Variants in IGF2BP2 observed in about 807,000 individuals in gnomAD.
IGF2BP2 encodes the protein insulin-like growth factor 2 mRNA-binding protein 2.
Under a neutral mutation model 75.8 loss-of-function variants are expected in IGF2BP2, and 17 were observed. That is an observed-to-expected ratio of 0.22 (90% CI 0.15 to 0.34). The LOEUF is 0.34. Ranked by LOEUF, IGF2BP2 falls within the 10% of genes least tolerant of loss-of-function variation. IGF2BP2 has a pLI of 1.00. For synonymous variants in IGF2BP2, 288 were observed against 295.6 expected (o/e 0.97, Z 0.26); for missense variants, 516 against 772.4 (o/e 0.67, Z 3.93).
At chr3:185,808,708 T>C (rs1739384105) in intron 2 of IGF2BP2, among the ~76,000 whole-genome samples, 1 of 146,364 alleles carries the variant, frequency 6.8e-6, no homozygotes, top group Admixed American at 6.7e-5. Context: ...CACAGGTGCA[T>C]GCCACCACAC....
At position 185,690,336 on chromosome 3, in the gene IGF2BP2, T is replaced by A. The variant is rs144587736; in HGVS notation, c.405-709A>T. ...AAATAAAATCCTAATCCACTATCTT[T>A]ACTGTCTTTCTTAAATATAAACATA... On this transcript the variant is annotated intron_variant, in intron 5 of 15. Coordinates refer to ENST00000382199, the MANE Select transcript of IGF2BP2 (RefSeq NM_006548.6). 2.6e-3 allele frequency among the ~76,000 whole-genome samples: 399 copies of A among 152,346 alleles called. 1 individual carries two copies. Among genetic ancestry groups the A allele is most frequent in the African/African-American group, 9.1e-3 (378 of 41,580 alleles).
At chr3:185,678,013 G>A (rs1719814831) in intron 7 of IGF2BP2, among the ~76,000 whole-genome samples, 1 of 152,110 alleles carries the variant, frequency 6.6e-6, no homozygotes, top group South Asian at 2.1e-4. Context: ...AAAGAGAAGA[G>A]GGAACAAAGG....
At chr3:185,650,090 T>A (rs1714330459) in intron 13 of IGF2BP2, among the ~76,000 whole-genome samples, 1 of 136,532 alleles carries the variant, frequency 7.3e-6, no homozygotes, top group African/African-American at 3.1e-5. Context: ...TTTTCATTCT[T>A]TTTTTTTTTT....
At chr3:185,654,725 G>A (rs1715152905) in intron 12 of IGF2BP2, among the ~76,000 whole-genome samples, 1 of 152,228 alleles carries the variant, frequency 6.6e-6, no homozygotes, top group Admixed American at 6.5e-5. Flanking sequence ...GGGACCCAGA[G>A]ATAACTGCCA....
intron 2 of IGF2BP2, among the ~76,000 whole-genome samples, chr3:185,814,961 A>T (rs1297454279): frequency 6.6e-6 from 1 of 152,190 alleles, no homozygotes; most frequent in African/African-American, 2.4e-5. Flanking sequence ...ATATTTTTAA[A>T]AATACATATA....
At chr3:185,662,730 A>G (rs2149132536) in intron 10 of IGF2BP2, among the ~76,000 whole-genome samples, 1 of 151,900 alleles carries the variant, frequency 6.6e-6, no homozygotes, top group South Asian at 2.1e-4. Flanking sequence ...TTTAGTAGAG[A>G]TGGGGTTTCA....
chr3:185,823,115 G>T, intron 2 of IGF2BP2, 38 bp downstream of exon 2: 4 of 1,414,212 alleles, frequency 2.8e-6, no homozygotes, highest in African/African-American at 1.5e-5. Flanking sequence ...TATACGTAAG[G>T]CCAATCGCAA....
chr3:185,652,290 C>G, intron 12 of IGF2BP2, 122 bp from the exon 13 acceptor site: 1 of 730,204 alleles, frequency 1.4e-6, no homozygotes, highest in Admixed American at 2.7e-5. Context: ...GCCGTTACCC[C>G]TGGTTCTGTC....
intron 12 of IGF2BP2, among the ~76,000 whole-genome samples, chr3:185,654,312 A>G (rs1715078964): frequency 6.6e-6 from 1 of 152,180 alleles, no homozygotes; most frequent in Non-Finnish European, 1.5e-5. Context: ...GATCACACAG[A>G]GCCTGGCCAT....
At chr3:185,696,112 C>A (rs1722542573) in intron 4 of IGF2BP2, among the ~76,000 whole-genome samples, 1 of 151,986 alleles carries the variant, frequency 6.6e-6, no homozygotes, top group Admixed American at 6.6e-5. Flanking sequence ...AATATAGATT[C>A]ACGAGCTCTT....
At chr3:185,806,193 A>T (rs2149979250) in intron 2 of IGF2BP2, among the ~76,000 whole-genome samples, 1 of 152,360 alleles carries the variant, frequency 6.6e-6, no homozygotes, top group East Asian at 1.9e-4. Context: ...AAAAAAGTTT[A>T]ACTATTATCA....
chr3:185,799,751 C>CAA (rs553267954), intron 2 of IGF2BP2, among the ~76,000 whole-genome samples: 4,402 of 109,922 alleles, frequency 0.04, 101 homozygotes, highest in South Asian at 0.067. Context: ...GACTCCGTCT[C>CAA]AAAAAAAAAA....
chr3:185,770,259 G>A (rs1217219611), intron 2 of IGF2BP2, among the ~76,000 whole-genome samples: 1 of 152,160 alleles, frequency 6.6e-6, no homozygotes, highest in African/African-American at 2.4e-5. Context: ...ACACCACATA[G>A]TTAGGACTCA....
intron 2 of IGF2BP2, among the ~76,000 whole-genome samples, chr3:185,800,167 T>C (rs928725889): frequency 6.6e-6 from 1 of 152,060 alleles, no homozygotes; most frequent in Non-Finnish European, 1.5e-5. Context: ...CTCAGTAAAC[T>C]ATCACTAGGA....
chr3:185,821,119 T>A, intron 2 of IGF2BP2: 4 of 1,519,326 alleles, frequency 2.6e-6, no homozygotes, highest in Non-Finnish European at 3.5e-6. Context: ...ATTAGCTATC[T>A]CTCCCTTAGC....
In IGF2BP2 at chr3:185,665,636, AAAGAAAC is replaced by A. The variant is rs1477979155; in HGVS notation, c.1200+6898_1200+6904del. 2.0e-5 allele frequency among the ~76,000 whole-genome samples: 3 copies of A among 152,148 alleles called. No individual in the cohort carries two copies. The East Asian group carries it at 5.8e-4, about 29-fold the overall frequency. On this transcript the variant is annotated intron_variant, in intron 10 of 15. Coordinates refer to ENST00000382199, the MANE Select transcript of IGF2BP2 (RefSeq NM_006548.6). The stretch of plus-strand genomic sequence containing the variant: ...GAGGAGGAGGAGGAGGATATCTACA[AAAGAAAC>A]AATTCTAGAAGTAACATTTTTAGAG...
intron 2 of IGF2BP2, among the ~76,000 whole-genome samples, chr3:185,733,867 GTC>G (rs1164172955): frequency 2.0e-5 from 3 of 152,264 alleles, no homozygotes; most frequent in South Asian, 4.1e-4. Flanking sequence ...AGTTTAGCAA[GTC>G]TCTCTATGAA....
intron 12 of IGF2BP2, 96 bp downstream of exon 12, chr3:185,657,190 G>C: frequency 3.9e-6 from 3 of 766,590 alleles, no homozygotes; most frequent in Non-Finnish European, 6.8e-6. Context: ...CTCTGTCTCT[G>C]CATGGTGTGG....
At chr3:185,789,363 G>A (rs1736319783) in intron 2 of IGF2BP2, among the ~76,000 whole-genome samples, 1 of 152,136 alleles carries the variant, frequency 6.6e-6, no homozygotes, top group African/African-American at 2.4e-5. Context: ...CATGACCTAG[G>A]CTAGGCCAGT....
Sources: gnomAD v4.1 joint callset for allele counts (sites outside exome capture counted in the v4.1 genomes callset) on GRCh38, gnomAD v4.1.1 for gene constraint, MANE v1.5 for transcripts, NCBI Gene and HGNC (gene_info 2026-07-23, HGNC 2026-07-21) for gene names.